Variants in BNC2 observed in about 807,000 individuals in gnomAD.
The protein encoded by BNC2 is zinc finger protein basonuclin-2.
In BNC2, 20 loss-of-function variants were observed where a neutral mutation model predicts 76.3. That is an observed-to-expected ratio of 0.26 (90% CI 0.18 to 0.38). BNC2 has a LOEUF of 0.38. BNC2 is among the 10% of genes least tolerant of loss of function. The pLI is 1.00. For missense variants in BNC2, 1,382 were observed against 1,399.8 expected (o/e 0.99, Z 0.20); for synonymous variants, 582 against 514.8 (o/e 1.13, Z -1.77).
intron 1 of BNC2, among the ~76,000 whole-genome samples, chr9:16,780,235 C>CAAAAAAAAAAAAAAAA (rs372583425): frequency 6.0e-5 from 4 of 66,302 alleles, no homozygotes; most frequent in Admixed American, 2.0e-4. Context: ...GACTTCGTTT[C>CAAAAAAAAAAAAAAAA]AAAAAAAAAA....
At chr9:16,763,106 G>A (rs1586863852) in intron 1 of BNC2, among the ~76,000 whole-genome samples, 1 of 152,248 alleles carries the variant, frequency 6.6e-6, no homozygotes, top group East Asian at 1.9e-4. Context: ...ACCCAAAACG[G>A]CTCTCTAGCT....
chr9:16,707,156 C>G (rs1001110706), intron 3 of BNC2, among the ~76,000 whole-genome samples: 3 of 151,750 alleles, frequency 2.0e-5, no homozygotes, highest in Non-Finnish European at 2.9e-5. Context: ...GAGCTGAGAT[C>G]GCGCCACTGC....
chr9:16,730,870 A>G (rs1854694), intron 2 of BNC2, among the ~76,000 whole-genome samples: 136,933 of 152,272 alleles, frequency 0.9, 61,614 homozygotes, highest in Non-Finnish European at 0.92. Context: ...ACAAATTTAC[A>G]AAGAGGACAA....
At chr9:16,816,447 T>G (rs1011543483) in intron 1 of BNC2, among the ~76,000 whole-genome samples, 11 of 152,164 alleles carry the variant, frequency 7.2e-5, no homozygotes, top group Non-Finnish European at 1.6e-4. Context: ...AATACCAAGC[T>G]GGGCAGCCTT....
chr9:16,474,320 G>T (rs954228507), intron 5 of BNC2, among the ~76,000 whole-genome samples: 30 of 152,276 alleles, frequency 2.0e-4, no homozygotes, highest in African/African-American at 7.2e-4. Flanking sequence ...GCAGAAAGAA[G>T]AACACTTGGG....
chr9:16,809,136 G>T (rs1423004479), intron 1 of BNC2, among the ~76,000 whole-genome samples: 2 of 152,084 alleles, frequency 1.3e-5, no homozygotes, highest in Non-Finnish European at 2.9e-5. Flanking sequence ...GGCTTAAATG[G>T]CCTGGGTCTA....
chr9:16,588,226 C>G (rs570196288), intron 3 of BNC2, among the ~76,000 whole-genome samples: 43 of 152,284 alleles, frequency 2.8e-4, no homozygotes, highest in Admixed American at 2.2e-3. Flanking sequence ...AAATGACAAC[C>G]ATTTATGGCC....
intron 5 of BNC2, among the ~76,000 whole-genome samples, chr9:16,490,784 G>C (rs1822262614): frequency 2.0e-5 from 3 of 152,094 alleles, no homozygotes; most frequent in African/African-American, 7.2e-5. Context: ...ACTTTCAAAG[G>C]GGTTCATTTG....
At chr9:16,711,296 G>C (rs1319462628) in intron 3 of BNC2, among the ~76,000 whole-genome samples, 3 of 152,196 alleles carry the variant, frequency 2.0e-5, no homozygotes, top group Admixed American at 6.5e-5. Flanking sequence ...TTGTTACAAA[G>C]ATCAGGGGAA....
At chr9:16,802,979 G>A (rs1286377452) in intron 1 of BNC2, among the ~76,000 whole-genome samples, 2 of 152,180 alleles carry the variant, frequency 1.3e-5, no homozygotes, top group African/African-American at 4.8e-5. Flanking sequence ...TGGTAAAATA[G>A]AGTAGACCAT....
At chr9:16,809,514 G>C (rs550683896) in intron 1 of BNC2, among the ~76,000 whole-genome samples, 1 of 152,194 alleles carries the variant, frequency 6.6e-6, no homozygotes, top group African/African-American at 2.4e-5. Context: ...TTCCACACCA[G>C]CTTTCAATAG....
chr9:16,422,654 G>A (rs1820733241), intron 6 of BNC2, among the ~76,000 whole-genome samples: 1 of 152,184 alleles, frequency 6.6e-6, no homozygotes, highest in Non-Finnish European at 1.5e-5. Flanking sequence ...TCTCATGATA[G>A]TGGGCTTGAA....
intron 4 of BNC2, among the ~76,000 whole-genome samples, chr9:16,579,481 C>G (rs1819570830): frequency 6.6e-6 from 1 of 151,988 alleles, no homozygotes; most frequent in Non-Finnish European, 1.5e-5. Flanking sequence ...CAAGATTTTG[C>G]CATGTTGCCC....
intron 3 of BNC2, among the ~76,000 whole-genome samples, chr9:16,717,952 A>T (rs1299075672): frequency 3.9e-5 from 6 of 152,194 alleles, no homozygotes; most frequent in Non-Finnish European, 8.8e-5. Flanking sequence ...AAAACAACCA[A>T]CTTCTCACTT....
intron 1 of BNC2, among the ~76,000 whole-genome samples, chr9:16,771,610 C>T (rs1045959907): frequency 3.5e-4 from 53 of 152,106 alleles, no homozygotes; most frequent in African/African-American, 1.3e-3. Flanking sequence ...TTTTAAAAGC[C>T]CACCAACAGC....
chr9:16,659,851 A>T (rs1354597352), intron 3 of BNC2, among the ~76,000 whole-genome samples: 1 of 152,022 alleles, frequency 6.6e-6, no homozygotes, highest in Non-Finnish European at 1.5e-5. Context: ...CATAGCCCTT[A>T]TTATACTCCC....
intron 1 of BNC2, among the ~76,000 whole-genome samples, chr9:16,820,233 C>G (rs377164187): frequency 6.6e-6 from 1 of 151,286 alleles, no homozygotes; most frequent in African/African-American, 2.4e-5. Flanking sequence ...CAAGACCACC[C>G]TGGTCAACAT....
intron 5 of BNC2, among the ~76,000 whole-genome samples, chr9:16,449,848 G>A (rs972698536): frequency 7.3e-6 from 1 of 136,254 alleles, no homozygotes; most frequent in Non-Finnish European, 1.5e-5. Flanking sequence ...GGGCGGGGGG[G>A]GAGGGTAACT....
intron 5 of BNC2, among the ~76,000 whole-genome samples, chr9:16,509,497 C>G (rs1822705394): frequency 6.6e-6 from 1 of 152,186 alleles, no homozygotes; most frequent in South Asian, 2.1e-4. Context: ...CATACCACGT[C>G]ACAAGGTTTT....
Sources: allele counts gnomAD v4.1 joint callset (sites outside exome capture counted in the v4.1 genomes callset), GRCh38; gene constraint gnomAD v4.1.1; transcripts MANE v1.5; gene names NCBI Gene and HGNC (gene_info 2026-07-23, HGNC 2026-07-21).